Variants in IKZF3 observed in about 807,000 individuals in gnomAD.
IKZF3 encodes the protein IKAROS family zinc finger 3, also known as zinc finger protein Aiolos.
In IKZF3, 10 loss-of-function variants were observed where a neutral mutation model predicts 49.0. The observed-to-expected ratio is 0.20, with a 90% CI of 0.13 to 0.35. IKZF3 has a LOEUF of 0.35. Among genes scored for constraint, IKZF3 ranks in the 10% least tolerant of loss-of-function variants. IKZF3 has a pLI of 1.00. For missense variants in IKZF3, 498 were observed against 664.8 expected, an observed-to-expected ratio of 0.75 and a Z score of 2.76; for synonymous variants, 209 against 228.2, an observed-to-expected ratio of 0.92 and a Z score of 0.76.
At chr17:39,803,455 G>T (rs1217294983) in intron 3 of IKZF3, among the ~76,000 whole-genome samples, 1 of 150,106 alleles carries the variant, frequency 6.7e-6, no homozygotes, top group Non-Finnish European at 1.5e-5. Context: ...TTGTAAATCC[G>T]AAAGAAAAAA....
At chr17:39,791,790 T>C (rs1252050234) in intron 4 of IKZF3, among the ~76,000 whole-genome samples, 3 of 152,120 alleles carry the variant, frequency 2.0e-5, no homozygotes, top group Non-Finnish European at 2.9e-5. Flanking sequence ...GCAAGGCTAT[T>C]TTAGGTATCA....
chr17:39,801,467 C>T (rs2061315236), intron 3 of IKZF3, among the ~76,000 whole-genome samples: 1 of 152,052 alleles, frequency 6.6e-6, no homozygotes. Flanking sequence ...GATTTAGAAG[C>T]TTGAAGCACT....
Position 39,856,287 on chromosome 17 carries a change from T to TTTTA in IKZF3, c.7+7829_7+7832dup, listed in dbSNP as rs1161604782. Among the ~76,000 whole-genome samples the TTTTA allele has an allele frequency of 4.6e-5, 7 of 152,192 alleles. No homozygotes were observed. The East Asian group carries it at 1.4e-3, about 29-fold the overall frequency. On this transcript the variant is annotated intron_variant, in intron 1 of 7. Transcript: ENST00000346872. ...GAATAAGACAGTTAGTAATATTCTT[T>TTTTA]TTTATTTATTTATTTTTTTGAGACG...
intron 3 of IKZF3, 118 bp downstream of exon 3, chr17:39,829,269 A>G: frequency 1.5e-6 from 1 of 651,050 alleles, no homozygotes; most frequent in Non-Finnish European, 2.7e-6. Flanking sequence ...AACAAAACAG[A>G]ATCACTCCTA....
intron 1 of IKZF3, among the ~76,000 whole-genome samples, chr17:39,857,552 G>A (rs188679753): frequency 1.4e-3 from 218 of 152,224 alleles, no homozygotes; most frequent in African/African-American, 5.0e-3. Flanking sequence ...TTTGTGGGGG[G>A]CATGGATTAG....
In IKZF3 at chr17:39,758,489, T is replaced by C. The variant is rs2143466085; in HGVS notation, c.*7301A>G. On this transcript the variant is annotated 3_prime_UTR_variant, in exon 8 of 8. Transcript: ENST00000346872. ...AAGAAGCAAAGCGGCACTTACAGAG[T>C]GTGAGATAGACACAGATCTGTGGCG... 6.6e-6 allele frequency: 1 copy of C among 152,006 alleles called. No individual in the cohort carries two copies. Among genetic ancestry groups the C allele is most frequent in the African/African-American group, 2.4e-5 (1 of 41,432 alleles). 9.4% of individuals were successfully genotyped at this position (152,006 alleles called of 1,614,324 possible).
chr17:39,841,874 G>T (rs1004116093), intron 1 of IKZF3, among the ~76,000 whole-genome samples: 1 of 151,650 alleles, frequency 6.6e-6, no homozygotes, highest in Non-Finnish European at 1.5e-5. Flanking sequence ...GTGAGACCCT[G>T]TCTCTACAAA....
At chr17:39,852,802 C>T (rs1367944265) in intron 1 of IKZF3, among the ~76,000 whole-genome samples, 4 of 152,098 alleles carry the variant, frequency 2.6e-5, no homozygotes, top group African/African-American at 9.7e-5. Flanking sequence ...AAACCCTGTT[C>T]TCTACGAAAA....
At chr17:39,780,532 T>TA (rs562520793) in intron 6 of IKZF3, among the ~76,000 whole-genome samples, 3,686 of 148,352 alleles carry the variant, frequency 0.025, 62 homozygotes, top group Non-Finnish European at 0.037. Flanking sequence ...CCTGGCTAAT[T>TA]AAAAAAAAAA....
intron 6 of IKZF3, among the ~76,000 whole-genome samples, chr17:39,784,132 T>C (rs2060815369): frequency 6.6e-6 from 1 of 152,182 alleles, no homozygotes; most frequent in Non-Finnish European, 1.5e-5. Context: ...TTCAATTATT[T>C]AAAAATATTA....
In IKZF3 at chr17:39,792,861, T is replaced by C. The variant is rs1567985547; in HGVS notation, c.236A>G (p.Asn79Ser). 2 of 1,614,076 alleles carry C rather than the reference T, an allele frequency of 1.2e-6. No homozygotes were observed. The highest frequency in any genetic ancestry group is 8.5e-7 in the Non-Finnish European group (1 of 1,179,922). The stretch of plus-strand genomic sequence containing the variant: ...GTAAGGGATTTCAGGCTCTTCTGCA[T>C]TTCCCATGGGTTCTGACTTTAAAAC... ...ENVLKSEPMG[N>S]AEEPEIPYSY... Residue 79 changes from asparagine (N) to serine (S), a missense_variant, in exon 4 of 8, where the codon AAT becomes AGT. Transcript: ENST00000346872.
At chr17:39,831,082 C>T (rs1043997106) in intron 2 of IKZF3, among the ~76,000 whole-genome samples, 2 of 152,144 alleles carry the variant, frequency 1.3e-5, no homozygotes, top group African/African-American at 2.4e-5. Context: ...GATTTAGGTT[C>T]AGTTAAAAGA....
At chr17:39,834,090 G>A (rs139329584) in intron 1 of IKZF3, among the ~76,000 whole-genome samples, 7 of 152,244 alleles carry the variant, frequency 4.6e-5, no homozygotes, top group Middle Eastern at 3.4e-3. Flanking sequence ...GTATTTTGTA[G>A]AATGTCCCTC....
chr17:39,775,318 G>A (rs1211046821), intron 7 of IKZF3, among the ~76,000 whole-genome samples: 1 of 152,138 alleles, frequency 6.6e-6, no homozygotes, highest in Non-Finnish European at 1.5e-5. Context: ...GAATGTGATG[G>A]TTCAGAAGAT....
At chr17:39,796,018 G>A (rs1421717846) in intron 3 of IKZF3, among the ~76,000 whole-genome samples, 2 of 151,808 alleles carry the variant, frequency 1.3e-5, no homozygotes, top group East Asian at 3.9e-4. Flanking sequence ...CTCCAGCCTG[G>A]GCGACAGAGC....
Position 39,763,971 on chromosome 17 carries a change from A to C in IKZF3, c.*1819T>G, listed in dbSNP as rs1377152252. 1 of 152,212 alleles carries C rather than the reference A, an allele frequency of 6.6e-6. No homozygotes were observed. Among genetic ancestry groups the C allele is most frequent in the East Asian group, 1.9e-4 (1 of 5,172 alleles). The allele number at this position is 152,212 out of a possible 1,614,324, so 9.4% of individuals were successfully genotyped here. On this transcript the variant is annotated 3_prime_UTR_variant, in exon 8 of 8. Transcript: ENST00000346872. The stretch of plus-strand genomic sequence containing the variant: ...CAGGCTTAAGCGATTTTTCTGCCTC[A>C]GCCTCCGGAGTAGCTGGGATTACAG...
Position 39,768,064 on chromosome 17 carries a change from T to C in IKZF3, c.827-1571A>G, listed in dbSNP as rs952913961. Reference sequence around the variant, plus strand: ...AAGACCTTGTCTCAAAAAAAAAAGTTGTAAAAGGACTGCTTTGCTCTATGG... The same window carrying C: ...AAGACCTTGTCTCAAAAAAAAAAGTCGTAAAAGGACTGCTTTGCTCTATGG... On this transcript the variant is annotated intron_variant, in intron 7 of 7. Transcript: ENST00000346872. Among the ~76,000 whole-genome samples, 4 of 151,996 alleles carry C rather than the reference T, an allele frequency of 2.6e-5. No homozygotes were observed. In the South Asian group the frequency reaches 6.2e-4, roughly 24 times the overall value.
At chr17:39,832,806 A>C (rs2062151313) in intron 1 of IKZF3, among the ~76,000 whole-genome samples, 1 of 152,164 alleles carries the variant, frequency 6.6e-6, no homozygotes, top group South Asian at 2.1e-4. Flanking sequence ...AATGTTTGAC[A>C]GCAGAGTAGG....
intron 6 of IKZF3, among the ~76,000 whole-genome samples, chr17:39,778,948 T>C (rs2060658948): frequency 6.6e-6 from 1 of 152,238 alleles, no homozygotes; most frequent in South Asian, 2.1e-4. Flanking sequence ...GAAATACCTA[T>C]GCCCAGGCCC....
Sources: allele counts gnomAD v4.1 joint callset (sites outside exome capture counted in the v4.1 genomes callset), GRCh38; gene constraint gnomAD v4.1.1; transcripts MANE v1.5; gene names NCBI Gene and HGNC (gene_info 2026-07-23, HGNC 2026-07-21).